Variants in BRD3 observed in about 807,000 individuals in gnomAD.
BRD3 encodes bromodomain containing 3.
BRD3 carries 17 observed loss-of-function variants against 66.8 expected under a neutral mutation model. The observed-to-expected ratio is 0.25, with a 90% CI of 0.17 to 0.38. The LOEUF is 0.38. Ranked by LOEUF, BRD3 falls within the 10% of genes least tolerant of loss-of-function variation. The pLI, the probability that BRD3 is intolerant of heterozygous loss-of-function variation, is 1.00. For missense variants in BRD3, 713 were observed against 956.1 expected, an observed-to-expected ratio of 0.75 and a Z score of 3.35; for synonymous variants, 421 against 393.2, an observed-to-expected ratio of 1.07 and a Z score of -0.84.
In BRD3 at chr9:134,044,298, G is replaced by A. The variant is rs553763500; in HGVS notation, c.1215+995C>T. Among the ~76,000 whole-genome samples, 52 of 152,310 alleles carry A rather than the reference G, an allele frequency of 3.4e-4. No individual in the cohort carries two copies. In the South Asian group the frequency reaches 0.011, roughly 31 times the overall value. On this transcript the variant is annotated intron_variant, in intron 7 of 11. Transcript: ENST00000303407. ...GACCTTGGGTAGGCCCTGTGCGCGA[G>A]AGGGTGGGAAAGGCAGCAGGACCCA...
intron 7 of BRD3, among the ~76,000 whole-genome samples, chr9:134,043,241 G>C (rs1317190676): frequency 6.6e-6 from 1 of 151,974 alleles, no homozygotes; most frequent in Non-Finnish European, 1.5e-5. Flanking sequence ...AAAGTGCTGA[G>C]ATTACAGGGG....
chr9:134,051,637 G>C lies in BRD3; in HGVS notation c.424C>G (p.Gln142Glu). The change falls in exon 4 of 12, where the codon CAA becomes GAA. Residue 142 changes from glutamine (Q) to glutamate (E), a missense_variant. By Grantham distance (29) the Gln-to-Glu change is conservative. Coordinates refer to ENST00000303407, the MANE Select transcript of BRD3 (RefSeq NM_007371.4). ...GGGGGTAATAATTCAACTTCCTCTT[G>C]GGGCATCTGGGCCACTTTTTGTAGA... ...IFLQKVAQMP[Q>E]EEVELLPPAP... 6.3e-7 allele frequency: 1 copy of C among 1,589,648 alleles called. No homozygotes were observed. Among genetic ancestry groups the C allele is most frequent in the Non-Finnish European group, 8.5e-7 (1 of 1,172,134 alleles).
Position 134,048,404 on chromosome 9 carries a change from G to A in BRD3, c.765C>T (p.Ala255=). ...GCGACTCACTCCGGCTGGCAGTGAT[G>A]GCCGACGTCGTGGGAGTGGTTGTGT... ...KADTTTPTTS[A]ITASRSESPP... is the part of the protein sequence containing the mutation. Residue 255 remains alanine (A), a synonymous_variant, in exon 6 of 12, where the codon GCC becomes GCT. Coordinates refer to ENST00000303407, the MANE Select transcript of BRD3 (RefSeq NM_007371.4). 2 of 1,598,594 alleles carry A rather than the reference G, an allele frequency of 1.3e-6. No individual in the cohort carries two copies. Among genetic ancestry groups the A allele is most frequent in the Non-Finnish European group, 8.5e-7 (1 of 1,179,882 alleles).
At position 134,031,045 on chromosome 9, in the gene BRD3, C is replaced by T. The variant is rs1013287042; in HGVS notation, c.*2545G>A. 4 of 230,380 alleles carry T rather than the reference C, an allele frequency of 1.7e-5. No individual in the cohort carries two copies. The highest frequency in any genetic ancestry group is 1.2e-4 in the East Asian group (2 of 16,264). The allele number at this position is 230,380 out of a possible 1,614,324, so 14.3% of individuals were successfully genotyped here. On this transcript the variant is annotated 3_prime_UTR_variant, in exon 12 of 12. Coordinates refer to ENST00000303407, the MANE Select transcript of BRD3 (RefSeq NM_007371.4). ...GGCGCTGAGGAAGTCATTAATCCTT[C>T]GAAACTCTGAAAAGAAACCAGTGTT... is the stretch of plus-strand genomic sequence containing the variant.
At chr9:134,067,725 G>A (rs1323190040) in intron 1 of BRD3, among the ~76,000 whole-genome samples, 30 of 145,000 alleles carry the variant, frequency 2.1e-4, no homozygotes, top group Middle Eastern at 3.2e-3. Flanking sequence ...CACCGCCGCC[G>A]CCACCGCCGC....
At chr9:134,048,027 C>T (rs570424181) in intron 6 of BRD3, 56 bp downstream of exon 6, 147 of 1,489,084 alleles carry the variant, frequency 9.9e-5, no homozygotes, top group Non-Finnish European at 1.2e-4. Flanking sequence ...GACATCAGCA[C>T]CCACGGCAGA....
At chr9:134,066,406 G>A (rs903707421) in intron 1 of BRD3, among the ~76,000 whole-genome samples, 1 of 152,206 alleles carries the variant, frequency 6.6e-6, no homozygotes, top group Non-Finnish European at 1.5e-5. Context: ...AGAACCCGGA[G>A]GGAGGGCTCC....
At chr9:134,036,550 A>AC (rs1829921130) in intron 9 of BRD3, 1 of 1,610,164 alleles carries the variant, frequency 6.2e-7, no homozygotes, top group African/African-American at 1.3e-5. Context: ...TCCTCTCTAC[A>AC]CCCCATAGGC....
chr9:134,030,685 T>C lies in BRD3; in HGVS notation c.*2905A>G, dbSNP rs1284916913. On this transcript the variant is annotated 3_prime_UTR_variant, in exon 12 of 12. Coordinates refer to ENST00000303407, the MANE Select transcript of BRD3 (RefSeq NM_007371.4). ...TGGGTGTTACTCTTTCCCAAAAGAC[T>C]GTCAGAGGCGTGAGTGCTGCAAAAG... 2 of 230,340 alleles carry C rather than the reference T, an allele frequency of 8.7e-6. No homozygotes were observed. The highest frequency in any genetic ancestry group is 1.7e-5 in the Non-Finnish European group (2 of 116,198). The allele number at this position is 230,340 out of a possible 1,614,324, so 14.3% of individuals were successfully genotyped here.
intron 9 of BRD3, among the ~76,000 whole-genome samples, chr9:134,037,293 T>G (rs378569): frequency 1.3e-5 from 2 of 151,928 alleles, no homozygotes; most frequent in Admixed American, 6.6e-5. Flanking sequence ...AACGCAGGGC[T>G]GGGCGCGGTG....
At chr9:134,047,337 C>T (rs377654620) in intron 6 of BRD3, among the ~76,000 whole-genome samples, 178 of 150,754 alleles carry the variant, frequency 1.2e-3, no homozygotes, top group Non-Finnish European at 2.0e-3. Context: ...ACTGCCTGCA[C>T]GTCCCTGGGA....
In BRD3 at chr9:134,050,463, T is replaced by A; in HGVS notation, c.625A>T (p.Thr209Ser). The A allele has an allele frequency of 6.2e-7, 1 of 1,612,016 alleles. No homozygotes were observed. Among genetic ancestry groups the A allele is most frequent in the South Asian group, 1.1e-5 (1 of 90,894 alleles). Residue 209 changes from threonine (T) to serine (S), a missense_variant, in exon 5 of 12, where the codon ACG becomes TCG. By Grantham distance (58) the Thr-to-Ser change is moderately conservative. Transcript: ENST00000303407. ...TPVPTITANV[T>S]SVPVPPAAAP... ...GCAGCTGGGGGGACTGGGACCGACG[T>A]GACGTTTGCAGTGATGGTTGGTACA... is the stretch of plus-strand genomic sequence containing the variant.
intron 7 of BRD3, among the ~76,000 whole-genome samples, chr9:134,043,718 AG>A (rs1000697760): frequency 6.6e-6 from 1 of 151,820 alleles, no homozygotes; most frequent in Non-Finnish European, 1.5e-5. Context: ...CATCAGCCTC[AG>A]GGTCTCCTCT....
chr9:134,042,840 T>C (rs1830090680), intron 7 of BRD3, among the ~76,000 whole-genome samples: 1 of 151,742 alleles, frequency 6.6e-6, no homozygotes, highest in Non-Finnish European at 1.5e-5. Context: ...TTACTTTTAC[T>C]AATTTTCTTT....
chr9:134,049,781 A>T (rs755662860), intron 5 of BRD3, among the ~76,000 whole-genome samples: 4 of 152,216 alleles, frequency 2.6e-5, no homozygotes, highest in Non-Finnish European at 4.4e-5. Context: ...ATCGAAGAAG[A>T]TAATACACAT....
Position 134,051,842 on chromosome 9 carries a change from AAT to A in BRD3, c.352-135_352-134del, listed in dbSNP as rs550246502. The A allele has an allele frequency of 4.8e-3, 3,753 of 774,586 alleles. 41 individuals carry two copies. Among genetic ancestry groups the A allele is most frequent in the African/African-American group, 0.023 (1,104 of 47,430 alleles). 48.0% of individuals were successfully genotyped at this position (774,586 alleles called of 1,614,324 possible). A position where few individuals can be genotyped will look rare whatever the true frequency, so the allele number is the denominator to read the frequency against. ...TGGCAGCGCAGGAGAGAACAAAATGAATATATGTGTGTGTGTGTGTGTGTGTG... is the reference window on the plus strand; with the variant it reads ...TGGCAGCGCAGGAGAGAACAAAATGAATATGTGTGTGTGTGTGTGTGTGTG... On this transcript the variant is annotated intron_variant, in intron 3 of 11. Coordinates refer to ENST00000303407, the MANE Select transcript of BRD3 (RefSeq NM_007371.4).
rs139002716 is a variant in BRD3 at position 134,041,808 on chromosome 9, C to G, written c.1359G>C (p.Ser453=). 1 of 1,612,690 alleles carries G rather than the reference C, an allele frequency of 6.2e-7. No individual in the cohort carries two copies. The highest frequency in any genetic ancestry group is 1.1e-5 in the South Asian group (1 of 90,898). The change falls in exon 8 of 12, where the codon TCG becomes TCC. Residue 453 remains serine (S), a synonymous_variant. Coordinates refer to ENST00000303407, the MANE Select transcript of BRD3 (RefSeq NM_007371.4). ...TGGTGGCCCGCTCCTCCTCCGAGTC[C>G]GAGCTGCCTGAGTCCGAAGAGCTCT... ...SEESSSDSGS[S]DSEEERATRL... is the part of the protein sequence containing the mutation.
chr9:134,062,387 C>T (rs1324799725), intron 1 of BRD3, among the ~76,000 whole-genome samples: 1 of 152,138 alleles, frequency 6.6e-6, no homozygotes, highest in Non-Finnish European at 1.5e-5. Flanking sequence ...AGCGCTGCCT[C>T]TCCCGTGACT....
chr9:134,055,357 G>A lies in BRD3; in HGVS notation c.-113-1767C>T, dbSNP rs142133515. On this transcript the variant is annotated intron_variant, in intron 1 of 11. Coordinates refer to ENST00000303407, the MANE Select transcript of BRD3 (RefSeq NM_007371.4). Reference sequence around the variant, plus strand: ...CTGGTTGGTGGGGCCTGGGGTGACCGAGTCCTGAGACCTGTGTCCTGTCTC... The same window carrying A: ...CTGGTTGGTGGGGCCTGGGGTGACCAAGTCCTGAGACCTGTGTCCTGTCTC... Among the ~76,000 whole-genome samples, 1,301 of 152,214 alleles carry A rather than the reference G, an allele frequency of 8.5e-3. 21 individuals carry two copies. The highest frequency in any genetic ancestry group is 0.029 in the African/African-American group (1,222 of 41,528).
Sources: gnomAD v4.1 joint callset for allele counts (sites outside exome capture counted in the v4.1 genomes callset) on GRCh38, gnomAD v4.1.1 for gene constraint, MANE v1.5 for transcripts, NCBI Gene and HGNC (gene_info 2026-07-23, HGNC 2026-07-21) for gene names.